CSMD3: variants seen among roughly 807,000 people sequenced by gnomAD.
The protein encoded by CSMD3 is CUB and Sushi multiple domains 3, also known as CUB and sushi domain-containing protein 3.
CSMD3 carries 177 observed loss-of-function variants against 435.2 expected under a neutral mutation model. The observed-to-expected ratio is 0.41, with a 90% CI of 0.36 to 0.46. CSMD3 has a LOEUF of 0.46. Ranked by LOEUF, CSMD3 falls within the 20% of genes least tolerant of loss-of-function variation. The pLI is 0.34. For synonymous variants in CSMD3, 1,656 were observed against 1,520.5 expected (o/e 1.09, Z -2.07); for missense variants, 4,265 against 4,504.6 (o/e 0.95, Z 1.52).
chr8:113,035,641 T>TA (rs1338735112), intron 5 of CSMD3, among the ~76,000 whole-genome samples: 1 of 151,930 alleles, frequency 6.6e-6, no homozygotes, highest in Non-Finnish European at 1.5e-5. Flanking sequence ...GTAAATAAAA[T>TA]ATACATCAAT....
At chr8:112,971,898 T>C (rs1276331992) in intron 7 of CSMD3, among the ~76,000 whole-genome samples, 2 of 152,122 alleles carry the variant, frequency 1.3e-5, no homozygotes, top group Admixed American at 6.5e-5. Context: ...GTTTTAACTA[T>C]AGTACAATAG....
intron 36 of CSMD3, among the ~76,000 whole-genome samples, chr8:112,389,001 C>T (rs1200720483): frequency 6.6e-6 from 1 of 151,972 alleles, no homozygotes; most frequent in Non-Finnish European, 1.5e-5. Context: ...TATTGGTGTC[C>T]TAGGATCTAA....
intron 4 of CSMD3, among the ~76,000 whole-genome samples, chr8:113,145,294 C>G (rs986681508): frequency 1.3e-5 from 2 of 151,458 alleles, no homozygotes; most frequent in African/African-American, 2.4e-5. Flanking sequence ...AGTGGCCTTA[C>G]AAAATGTATT....
In CSMD3 at chr8:112,758,428, T is replaced by A. The variant is rs1378988791; in HGVS notation, c.1972+41734A>T. 2.0e-5 allele frequency among the ~76,000 whole-genome samples: 3 copies of A among 152,126 alleles called. No individual in the cohort carries two copies. In the East Asian group the frequency reaches 5.8e-4, roughly 29 times the overall value. ...CCCAAAATTTAAAATATTCTTAGCA[T>A]ATATCTAATTTTACTTCATTATATT... is the stretch of plus-strand genomic sequence containing the variant. On this transcript the variant is annotated intron_variant, in intron 13 of 70. Transcript: ENST00000297405.
intron 3 of CSMD3, among the ~76,000 whole-genome samples, chr8:113,236,781 A>G (rs1243981190): frequency 1.3e-5 from 2 of 152,092 alleles, no homozygotes; most frequent in South Asian, 2.1e-4. Context: ...GTGTGAGCCA[A>G]TTCCTCTAAT....
Position 112,346,156 on chromosome 8 carries a change from G to A in CSMD3, c.6383C>T (p.Pro2128Leu), listed in dbSNP as rs758045887. 1 of 1,613,678 alleles carries A rather than the reference G, an allele frequency of 6.2e-7. No homozygotes were observed. The change falls in exon 41 of 71, where the codon CCT becomes CTT. Residue 2128 changes from proline (P) to leucine (L), a missense_variant. By Grantham distance (98) the Pro-to-Leu change is moderately conservative. Transcript: ENST00000297405. ...FSGVILSPGFPGNYPSSLDCT... is the reference protein window; with the variant it reads ...FSGVILSPGFLGNYPSSLDCT... ...ATCTAAACTGCTGGGATAGTTTCCA[G>A]GAAACCCAGGACTGAGGATCACACC...
chr8:112,425,834 C>A (rs1813010309), intron 32 of CSMD3, among the ~76,000 whole-genome samples: 1 of 151,632 alleles, frequency 6.6e-6, no homozygotes, highest in Admixed American at 6.6e-5. Context: ...GTAAAAAAAT[C>A]TCAAAATAAG....
chr8:113,278,977 C>A (rs1409337066), intron 2 of CSMD3, among the ~76,000 whole-genome samples: 2 of 151,414 alleles, frequency 1.3e-5, no homozygotes, highest in African/African-American at 4.8e-5. Context: ...ATATACAATT[C>A]TTTCCTGGGT....
chr8:113,294,751 GA>G (rs1588458304), intron 2 of CSMD3, among the ~76,000 whole-genome samples: 1 of 151,794 alleles, frequency 6.6e-6, no homozygotes, highest in Non-Finnish European at 1.5e-5. Flanking sequence ...ATTTGACTGT[GA>G]AAAAAAATAA....
intron 14 of CSMD3, among the ~76,000 whole-genome samples, chr8:112,687,380 T>C (rs966733013): frequency 9.2e-5 from 14 of 152,116 alleles, no homozygotes; most frequent in Non-Finnish European, 1.8e-4. Context: ...AAGTTTATGA[T>C]CTCTTAGTTT....
chr8:113,031,350 G>T (rs569872284), intron 5 of CSMD3, among the ~76,000 whole-genome samples: 1 of 151,586 alleles, frequency 6.6e-6, no homozygotes, highest in Non-Finnish European at 1.5e-5. Flanking sequence ...ACAACAACTT[G>T]CATAAATCTC....
intron 28 of CSMD3, among the ~76,000 whole-genome samples, chr8:112,509,582 T>C (rs1341473266): frequency 6.6e-6 from 1 of 152,202 alleles, no homozygotes; most frequent in Non-Finnish European, 1.5e-5. Flanking sequence ...TTCTTAATTG[T>C]TGATCTTTAT....
At chr8:112,998,075 T>A (rs1381021720) in intron 6 of CSMD3, among the ~76,000 whole-genome samples, 1 of 151,702 alleles carries the variant, frequency 6.6e-6, no homozygotes, top group Non-Finnish European at 1.5e-5. Flanking sequence ...TTCTACAGAA[T>A]GATTTATACA....
intron 8 of CSMD3, among the ~76,000 whole-genome samples, chr8:112,954,445 G>A (rs182198068): frequency 2.2e-4 from 34 of 151,512 alleles, no homozygotes; most frequent in African/African-American, 7.2e-4. Flanking sequence ...TTTACATCTT[G>A]AAATATAAAA....
chr8:113,181,938 T>TA (rs2092427177), intron 3 of CSMD3, among the ~76,000 whole-genome samples: 1 of 152,080 alleles, frequency 6.6e-6, no homozygotes, highest in African/African-American at 2.4e-5. Context: ...TTTAATTCTT[T>TA]AAAAAGATGT....
At chr8:112,950,341 G>A (rs1461950335) in intron 8 of CSMD3, among the ~76,000 whole-genome samples, 1 of 151,714 alleles carries the variant, frequency 6.6e-6, no homozygotes, top group Non-Finnish European at 1.5e-5. Context: ...TTTTTAAAAT[G>A]TGGCATGAAA....
intron 30 of CSMD3, among the ~76,000 whole-genome samples, chr8:112,497,573 G>A (rs35577415): frequency 0.25 from 37,136 of 150,972 alleles, 5,118 homozygotes; most frequent in African/African-American, 0.37. Context: ...TACTTTTTAA[G>A]TGCTATAGAA....
chr8:112,416,282 G>A (rs957253787), intron 32 of CSMD3, among the ~76,000 whole-genome samples: 9 of 152,112 alleles, frequency 5.9e-5, no homozygotes, highest in Admixed American at 1.3e-4. Flanking sequence ...TGGTATTTCC[G>A]CTTCTGGCTC....
intron 38 of CSMD3, among the ~76,000 whole-genome samples, chr8:112,363,783 A>G (rs1197078284): frequency 6.6e-6 from 1 of 152,042 alleles, no homozygotes; most frequent in Non-Finnish European, 1.5e-5. Flanking sequence ...AAGAAGTGCA[A>G]TGTGTTTATA....
Sources: gnomAD v4.1 joint callset for allele counts (sites outside exome capture counted in the v4.1 genomes callset) on GRCh38, gnomAD v4.1.1 for gene constraint, MANE v1.5 for transcripts, NCBI Gene and HGNC (gene_info 2026-07-23, HGNC 2026-07-21) for gene names.